ASTN1: variants seen among roughly 807,000 people sequenced by gnomAD.
The protein encoded by ASTN1 is astrotactin-1.
Under a neutral mutation model 140.7 loss-of-function variants are expected in ASTN1, and 41 were observed. The observed-to-expected ratio is 0.29, with a 90% CI of 0.23 to 0.38. The LOEUF (loss-of-function observed/expected upper bound fraction) is 0.38. Among genes scored for constraint, ASTN1 ranks in the 10% least tolerant of loss-of-function variants. The pLI is 1.00. For missense variants in ASTN1, 1,479 were observed against 1,678.8 expected (o/e 0.88, Z 2.08); for synonymous variants, 640 against 652.2 (o/e 0.98, Z 0.29).
chr1:177,155,338 C>A (rs1358212736), intron 1 of ASTN1, among the ~76,000 whole-genome samples: 2 of 152,066 alleles, frequency 1.3e-5, no homozygotes, highest in African/African-American at 4.8e-5. Context: ...GAACAAACGG[C>A]CAACTTTATA....
chr1:177,012,776 G>A (rs936569535), intron 8 of ASTN1, among the ~76,000 whole-genome samples: 3 of 152,220 alleles, frequency 2.0e-5, no homozygotes, highest in African/African-American at 7.2e-5. Flanking sequence ...GTGGAGGCTT[G>A]AGTGATTAAC....
Position 176,863,817 on chromosome 1 carries a change from C to G in ASTN1, c.*467G>C, listed in dbSNP as rs74127249. ...CAGGGCCAAGGCTCCCAGAGTGAGA[C>G]GCTTCCTGAGGAATGCTTGAGGGTG... On this transcript the variant is annotated 3_prime_UTR_variant, in exon 23 of 23. Transcript: ENST00000361833. 6 of 992,976 alleles carry G rather than the reference C, an allele frequency of 6.0e-6. No individual in the cohort carries two copies. Among genetic ancestry groups the G allele is most frequent in the East Asian group, 1.1e-4 (1 of 9,132 alleles). The allele number at this position is 992,976 out of a possible 1,614,324, so 61.5% of individuals were successfully genotyped here.
Position 176,992,370 on chromosome 1 carries a change from C to G in ASTN1, c.1523+22421G>C, listed in dbSNP as rs77244020. ...TTAATTCAAGTCTGGAGGAGATGAG[C>G]GAATATTGAAGTGACCTTCTGGGTT... On this transcript the variant is annotated intron_variant, in intron 8 of 22. Coordinates refer to ENST00000361833, the MANE Select transcript of ASTN1 (RefSeq NM_004319.3). Among the ~76,000 whole-genome samples the G allele has an allele frequency of 4.2e-3, 628 of 150,572 alleles. 6 individuals are homozygous for G. Among genetic ancestry groups the G allele is most frequent in the African/African-American group, 0.015 (598 of 40,874 alleles).
At chr1:177,148,829 C>A (rs1682838713) in intron 1 of ASTN1, among the ~76,000 whole-genome samples, 2 of 151,568 alleles carry the variant, frequency 1.3e-5, no homozygotes, top group South Asian at 4.2e-4. Flanking sequence ...GACCTCAGTG[C>A]AATGAAGCAC....
At chr1:176,909,717 G>A (rs1445707401) in intron 16 of ASTN1, among the ~76,000 whole-genome samples, 1 of 138,812 alleles carries the variant, frequency 7.2e-6, no homozygotes. Context: ...ATGATACTTA[G>A]CTGTTAGTAC....
chr1:177,095,915 G>A (rs1251478684), intron 1 of ASTN1, among the ~76,000 whole-genome samples: 1 of 152,184 alleles, frequency 6.6e-6, no homozygotes, highest in Non-Finnish European at 1.5e-5. Flanking sequence ...TGGGGGAATG[G>A]CTGCCAGGAG....
intron 21 of ASTN1, among the ~76,000 whole-genome samples, chr1:176,874,664 T>C (rs570969958): frequency 6.6e-6 from 1 of 152,280 alleles, no homozygotes; most frequent in African/African-American, 2.4e-5. Context: ...AGCTCTATGG[T>C]TGGTTACTGA....
At chr1:177,125,056 T>G (rs12060149) in intron 1 of ASTN1, among the ~76,000 whole-genome samples, 13,942 of 152,284 alleles carry the variant, frequency 0.092, 754 homozygotes, top group Middle Eastern at 0.19. Flanking sequence ...GCTTAAAATA[T>G]AGTTAGAGTA....
chr1:177,079,363 G>A (rs1679069915), intron 1 of ASTN1, among the ~76,000 whole-genome samples: 1 of 152,168 alleles, frequency 6.6e-6, no homozygotes. Context: ...CTGGGACCAA[G>A]CGGGGTCTCT....
intron 20 of ASTN1, among the ~76,000 whole-genome samples, chr1:176,882,527 CTTCT>C (rs1292214372): frequency 7.3e-6 from 1 of 136,194 alleles, no homozygotes; most frequent in African/African-American, 2.8e-5. Flanking sequence ...GAATTAATCA[CTTCT>C]TTCTTCTCTT....
chr1:177,093,563 C>T (rs1679879086), intron 1 of ASTN1, among the ~76,000 whole-genome samples: 1 of 152,164 alleles, frequency 6.6e-6, no homozygotes, highest in South Asian at 2.1e-4. Flanking sequence ...AGACTTAGTA[C>T]TCTGAGGTGT....
At chr1:176,860,662 C>G (rs1320114139), downstream of ASTN1, among the ~76,000 whole-genome samples, 1 of 152,202 alleles carries the variant, frequency 6.6e-6, no homozygotes, top group Non-Finnish European at 1.5e-5. Context: ...CAGCAGTTCT[C>G]ATAGCATCCT....
intron 20 of ASTN1, among the ~76,000 whole-genome samples, chr1:176,880,752 T>C (rs896282653): frequency 1.4e-4 from 22 of 152,216 alleles, no homozygotes; most frequent in African/African-American, 5.3e-4. Flanking sequence ...GCTCTGAGAT[T>C]CTCACAGTAA....
rs1675375053 is a variant in ASTN1, at chr1:177,013,119, C to A, written c.1523+1672G>T. On this transcript the variant is annotated intron_variant, in intron 8 of 22. Transcript: ENST00000361833. ...CAAACCTTCTGCCCTTCTCCCCAAT[C>A]TTTCAATAACAGGCTGCCTCATATG... Among the ~76,000 whole-genome samples the A allele has an allele frequency of 2.0e-5, 3 of 152,196 alleles. No homozygotes were observed. The South Asian group carries it at 6.2e-4, about 31-fold the overall frequency.
chr1:177,059,245 A>C (rs892796944), intron 2 of ASTN1, among the ~76,000 whole-genome samples: 1 of 152,190 alleles, frequency 6.6e-6, no homozygotes, highest in African/African-American at 2.4e-5. Flanking sequence ...GAAATCCACC[A>C]TTGTGCCCTT....
chr1:176,987,069 T>C (rs1446246890), intron 8 of ASTN1, among the ~76,000 whole-genome samples: 1 of 152,076 alleles, frequency 6.6e-6, no homozygotes, highest in Non-Finnish European at 1.5e-5. Context: ...ATGTACACAG[T>C]TGAGGGAGTC....
intron 16 of ASTN1, among the ~76,000 whole-genome samples, chr1:176,906,936 A>G (rs1470463139): frequency 6.6e-6 from 1 of 151,992 alleles, no homozygotes; most frequent in African/African-American, 2.4e-5. Flanking sequence ...AATTTTTGTG[A>G]TAGTTTATAG....
chr1:176,928,693 A>T (rs1177877630), intron 16 of ASTN1, among the ~76,000 whole-genome samples: 3 of 152,198 alleles, frequency 2.0e-5, no homozygotes, highest in African/African-American at 7.2e-5. Flanking sequence ...AAACTAGGGA[A>T]GTCTTAGTCC....
At chr1:176,918,211 C>G (rs1670571633) in intron 16 of ASTN1, among the ~76,000 whole-genome samples, 1 of 152,074 alleles carries the variant, frequency 6.6e-6, no homozygotes, top group Non-Finnish European at 1.5e-5. Context: ...ACAGTGGGAA[C>G]AACTCAGGGC....
Sources: gnomAD v4.1 joint callset for allele counts (sites outside exome capture counted in the v4.1 genomes callset) on GRCh38, gnomAD v4.1.1 for gene constraint, MANE v1.5 for transcripts, NCBI Gene and HGNC (gene_info 2026-07-23, HGNC 2026-07-21) for gene names.